The following FSIP2 variants were observed in gnomAD, a reference collection of about 807,000 sequenced individuals.
FSIP2 encodes the protein fibrous sheath-interacting protein 2.
A neutral mutation model predicts 510.5 loss-of-function variants in FSIP2; 367 were observed. The ratio of observed to expected loss-of-function variants is 0.72; its 90% CI spans 0.66 to 0.78. The LOEUF (loss-of-function observed/expected upper bound fraction) is 0.78, where lower values mean the gene tolerates loss of function less well. Ranked by LOEUF, FSIP2 falls within the 30% of genes least tolerant of loss-of-function variation. The probability of loss-of-function intolerance (pLI) is 0.00; values close to 1 mark genes in which losing one functional copy is unlikely to be tolerated. For synonymous variants in FSIP2, 2,601 were observed against 2,732.2 expected (o/e 0.95, Z 1.50); for missense variants, 7,594 against 7,901.7 (o/e 0.96, Z 1.48).
At chr2:185,750,724 C>T (rs1018821741) in intron 7 of FSIP2, among the ~76,000 whole-genome samples, 1 of 150,314 alleles carries the variant, frequency 6.7e-6, no homozygotes, top group Non-Finnish European at 1.5e-5. Flanking sequence ...AAATTTAGTA[C>T]TCTAAGTTTT....
In FSIP2 at chr2:185,776,732, A is replaced by G. The variant is rs761302216; in HGVS notation, c.1412-5973A>G. On this transcript the variant is annotated intron_variant, in intron 13 of 22. Transcript: ENST00000424728. ...CTATTTTCTGTCTGAGGGATGCAAG[A>G]TTTTTATTATTATTATTTTGAGACA... Among the ~76,000 whole-genome samples, 9 of 152,026 alleles carry G rather than the reference A, an allele frequency of 5.9e-5. No individual in the cohort carries two copies. In the South Asian group the frequency reaches 1.2e-3, roughly 21 times the overall value.
rs1286988481 is a variant in FSIP2, at chr2:185,807,656, T to C, written c.18350T>C (p.Ile6117Thr). 6.2e-7 allele frequency: 1 copy of C among 1,612,878 alleles called. No individual in the cohort carries two copies. The highest frequency in any genetic ancestry group is 1.3e-5 in the African/African-American group (1 of 74,818). The stretch of plus-strand genomic sequence containing the variant: ...GGATGCAAAATCCTTTCAGAAAACA[T>C]AGTTGACTTGGTTCTACGAGAAGTG... The part of the protein sequence containing the change: ...TSGCKILSEN[I>T]VDLVLREVAS... Residue 6117 changes from isoleucine to threonine, a missense_variant, in exon 17 of 23, where the codon ATA becomes ACA. Ile to Thr is a moderately conservative substitution (Grantham distance 89). Coordinates refer to ENST00000424728, the MANE Select transcript of FSIP2 (RefSeq NM_173651.4).
chr2:185,739,735 T>A (rs1449014274), intron 2 of FSIP2, among the ~76,000 whole-genome samples: 1 of 152,176 alleles, frequency 6.6e-6, no homozygotes, highest in Non-Finnish European at 1.5e-5. Flanking sequence ...TTCCTTATAA[T>A]AAAACTTCAT....
In FSIP2 at chr2:185,802,734, A is replaced by T; in HGVS notation, c.13428A>T (p.Leu4476=). Residue 4476 remains leucine, a synonymous_variant, in exon 17 of 23, where the codon CTA becomes CTT. Transcript: ENST00000424728. ...TTTTAGAAGATATGATCAGAGTACT[A>T]TTATCTAAATTATTTTCTTCTGCAT... The part of the protein sequence containing the change: ...YTFLEDMIRV[L]LSKLFSSASS... 1 of 1,513,898 alleles carries T rather than the reference A, an allele frequency of 6.6e-7. No individual in the cohort carries two copies. The highest frequency in any genetic ancestry group is 1.3e-5 in the South Asian group (1 of 79,794). 93.8% of individuals were successfully genotyped at this position (1,513,898 alleles called of 1,614,324 possible).
At position 185,794,860 on chromosome 2, in the gene FSIP2, A is replaced by T. The variant is rs1574186992; in HGVS notation, c.7724A>T (p.Asp2575Val). The T allele has an allele frequency of 6.5e-7, 1 of 1,532,702 alleles. No individual in the cohort carries two copies. Among genetic ancestry groups the T allele is most frequent in the Non-Finnish European group, 8.7e-7 (1 of 1,144,512 alleles). 94.9% of individuals were successfully genotyped at this position (1,532,702 alleles called of 1,614,324 possible). ...GAAGTTGAAATATCTGACCACAATG[A>T]TTCCTTACTAATGAAACCATTAAGG... is the stretch of plus-strand genomic sequence containing the variant. ...RTEVEISDHN[D>V]SLLMKPLRFR... Residue 2575 changes from aspartate to valine, a missense_variant, in exon 16 of 23, where the codon GAT (aspartate) becomes GTT (valine). Transcript: ENST00000424728.
At chr2:185,760,120 G>A (rs900341449) in intron 9 of FSIP2, among the ~76,000 whole-genome samples, 1 of 150,326 alleles carries the variant, frequency 6.7e-6, no homozygotes, top group African/African-American at 2.4e-5. Flanking sequence ...TTGCTGATTT[G>A]TGGCTTTATT....
chr2:185,754,822 T>C (rs1034293232), intron 8 of FSIP2, among the ~76,000 whole-genome samples: 4 of 151,552 alleles, frequency 2.6e-5, no homozygotes, highest in Non-Finnish European at 5.9e-5. Flanking sequence ...TTTCTAGCGA[T>C]GTTATGGCTT....
intron 13 of FSIP2, among the ~76,000 whole-genome samples, chr2:185,766,888 A>G (rs1277606214): frequency 8.0e-6 from 1 of 124,838 alleles, no homozygotes; most frequent in Non-Finnish European, 1.7e-5. Context: ...TTGTGGCATT[A>G]TTCACAATAG....
chr2:185,806,551 G>A lies in FSIP2; in HGVS notation c.17245G>A (p.Glu5749Lys), dbSNP rs368294594. Reference protein sequence around the residue: ...NKNISAKEKEEEEREKEKVRE... With the variant: ...NKNISAKEKEKEEREKEKVRE... ...AAATATCTCTGCCAAAGAAAAAGAA[G>A]AGGAAGAGAGAGAAAAAGAGAAAGT... The change falls in exon 17 of 23, where the codon GAG becomes AAG. Residue 5749 changes from glutamate (E) to lysine (K), a missense_variant. Coordinates refer to ENST00000424728, the MANE Select transcript of FSIP2 (RefSeq NM_173651.4). 17 of 1,602,098 alleles carry A rather than the reference G, an allele frequency of 1.1e-5. No homozygotes were observed. Among genetic ancestry groups the A allele is most frequent in the African/African-American group, 2.7e-5 (2 of 73,824 alleles).
rs374303997 is a variant in FSIP2, at chr2:185,823,527, G to C, written c.20427-907G>C. Among the ~76,000 whole-genome samples the C allele has an allele frequency of 4.6e-5, 7 of 150,838 alleles. No individual in the cohort carries two copies. In the East Asian group the frequency reaches 1.4e-3, roughly 30 times the overall value. On this transcript the variant is annotated intron_variant, in intron 19 of 22. Transcript: ENST00000424728. ...CAAGATGCCACTTTCAACACATTAA[G>C]ATAACTAAAGAAGGGAGGGAGGGAC...
chr2:185,793,227 A>T lies in FSIP2; in HGVS notation c.6091A>T (p.Ile2031Phe), dbSNP rs1244913137. ...GGAAAATCCTTTTTTAACTCATGAC[A>T]TTGGGATTTCTGAAAGTATTGCAAG... ...ERENPFLTHD[I>F]GISESIASQI... The change falls in exon 16 of 23, where the codon ATT becomes TTT. Residue 2031 changes from isoleucine to phenylalanine, a missense_variant. Transcript: ENST00000424728. The T allele has an allele frequency of 1.3e-6, 2 of 1,534,100 alleles. No homozygotes were observed. The highest frequency in any genetic ancestry group is 2.0e-5 in the Admixed American group (1 of 50,820).
chr2:185,782,316 C>T (rs1692870124), intron 13 of FSIP2, among the ~76,000 whole-genome samples: 1 of 152,118 alleles, frequency 6.6e-6, no homozygotes, highest in Non-Finnish European at 1.5e-5. Flanking sequence ...TCAAGGAAGG[C>T]TTTCAAGAGT....
At chr2:185,822,924 T>C (rs1041892240) in intron 19 of FSIP2, among the ~76,000 whole-genome samples, 1 of 151,944 alleles carries the variant, frequency 6.6e-6, no homozygotes, top group Non-Finnish European at 1.5e-5. Flanking sequence ...AAATGATTTT[T>C]ACCAAGGGTA....
At position 185,806,885 on chromosome 2, in the gene FSIP2, T is replaced by G; in HGVS notation, c.17579T>G (p.Val5860Gly). The G allele has an allele frequency of 6.2e-7, 1 of 1,608,794 alleles. No homozygotes were observed. The highest frequency in any genetic ancestry group is 8.5e-7 in the Non-Finnish European group (1 of 1,177,964). Residue 5860 changes from valine to glycine, a missense_variant, in exon 17 of 23, where the codon GTG (valine) becomes GGG (glycine). Physicochemically the swap from Val to Gly is moderately radical, Grantham distance 109. Coordinates refer to ENST00000424728, the MANE Select transcript of FSIP2 (RefSeq NM_173651.4). ...DKGNQFPGGK[V>G]SSVPKVPPRY... ...GGAAATCAGTTCCCTGGGGGTAAAGTGTCTTCAGTTCCTAAAGTACCTCCA... is the reference window on the plus strand; with the variant it reads ...GGAAATCAGTTCCCTGGGGGTAAAGGGTCTTCAGTTCCTAAAGTACCTCCA...
At chr2:185,742,622 G>C (rs1297826357) in intron 2 of FSIP2, among the ~76,000 whole-genome samples, 1 of 152,044 alleles carries the variant, frequency 6.6e-6, no homozygotes, top group Non-Finnish European at 1.5e-5. Context: ...ACTCAAAATC[G>C]TTAACATCTA....
chr2:185,788,854 C>G lies in FSIP2; in HGVS notation c.1718C>G (p.Ser573Cys), dbSNP rs561465820. The G allele has an allele frequency of 2.6e-6, 4 of 1,534,682 alleles. No individual in the cohort carries two copies. Among genetic ancestry groups the G allele is most frequent in the Non-Finnish European group, 3.5e-6 (4 of 1,145,966 alleles). ...SEDFTYRSYT[S>C]ATTKTFQAEP... The stretch of plus-strand genomic sequence containing the variant: ...GACTTTACATATAGAAGCTACACAT[C>G]TGCAACAACTAAAACATTTCAGGCA... Residue 573 changes from serine to cysteine, a missense_variant, in exon 16 of 23, where the codon TCT becomes TGT. Ser to Cys is a moderately radical substitution (Grantham distance 112). Coordinates refer to ENST00000424728, the MANE Select transcript of FSIP2 (RefSeq NM_173651.4).
At chr2:185,823,782 T>G (rs1043068620) in intron 19 of FSIP2, among the ~76,000 whole-genome samples, 1 of 151,710 alleles carries the variant, frequency 6.6e-6, no homozygotes, top group Non-Finnish European at 1.5e-5. Flanking sequence ...AAACAGATAT[T>G]TGTACACCAT....
chr2:185,797,307 T>A lies in FSIP2; in HGVS notation c.10171T>A (p.Tyr3391Asn), dbSNP rs1332053464. 1 of 1,528,268 alleles carries A rather than the reference T, an allele frequency of 6.5e-7. No homozygotes were observed. The highest frequency in any genetic ancestry group is 1.4e-5 in the African/African-American group (1 of 72,098). 94.7% of individuals were successfully genotyped at this position (1,528,268 alleles called of 1,614,324 possible). A position where few individuals can be genotyped will look rare whatever the true frequency, so the allele number is the denominator to read the frequency against. ...TAGAATGCAGGATAAAAAAATCAAC[T>A]ATATACCTGAGGAAGAAAATGAAAA... Reference protein sequence around the residue: ...LLRMQDKKINYIPEEENENLE... With the variant: ...LLRMQDKKINNIPEEENENLE... Residue 3391 changes from tyrosine to asparagine, a missense_variant, in exon 16 of 23, where the codon TAT becomes AAT. Tyr to Asn is a moderately radical substitution (Grantham distance 143). Transcript: ENST00000424728.
rs1214720831 is a variant in FSIP2, at chr2:185,802,210, G to C, written c.12904G>C (p.Asp4302His). ...CAGACCTCAGAAGCAATCACCTTTA[G>C]ATATTCACCTTGATTCATTTGTAAG... ...SHRPQKQSPL[D>H]IHLDSFVREI... The change falls in exon 17 of 23, where the codon GAT (aspartate) becomes CAT (histidine). Residue 4302 changes from aspartate to histidine, a missense_variant. Coordinates refer to ENST00000424728, the MANE Select transcript of FSIP2 (RefSeq NM_173651.4). 6 of 1,533,620 alleles carry C rather than the reference G, an allele frequency of 3.9e-6. No homozygotes were observed. The South Asian group carries it at 4.8e-5, about 12-fold the overall frequency.
Sources: gnomAD v4.1 joint callset for allele counts (sites outside exome capture counted in the v4.1 genomes callset) on GRCh38, gnomAD v4.1.1 for gene constraint, MANE v1.5 for transcripts, NCBI Gene and HGNC (gene_info 2026-07-23, HGNC 2026-07-21) for gene names.